ATP8A2: variants seen among roughly 807,000 people sequenced by gnomAD.
ATP8A2 encodes the protein phospholipid-transporting ATPase IB.
ATP8A2 carries 100 observed loss-of-function variants against 165.6 expected under a neutral mutation model. That is an observed-to-expected ratio of 0.60 (90% CI 0.51 to 0.71). ATP8A2 has a LOEUF of 0.71. Ranked by LOEUF, ATP8A2 falls within the 30% of genes least tolerant of loss-of-function variation. The probability of loss-of-function intolerance (pLI) is 0.00; values close to 1 mark genes in which losing one functional copy is unlikely to be tolerated. For synonymous variants in ATP8A2, 543 were observed against 548.8 expected (o/e 0.99, Z 0.15); for missense variants, 1,227 against 1,479.5 (o/e 0.83, Z 2.80).
intron 33 of ATP8A2, among the ~76,000 whole-genome samples, chr13:25,959,599 T>C (rs540104404): frequency 1.3e-5 from 2 of 152,360 alleles, no homozygotes; most frequent in Admixed American, 1.3e-4. Flanking sequence ...GGGCCAGTGG[T>C]GCTTCCTTTC....
At chr13:25,657,213 C>G (rs1224350764) in intron 24 of ATP8A2, among the ~76,000 whole-genome samples, 1 of 152,044 alleles carries the variant, frequency 6.6e-6, no homozygotes, top group African/African-American at 2.4e-5. Context: ...GTGTTCAGGT[C>G]AGGAAACCAA....
chr13:26,021,600 C>T lies in ATP8A2; in HGVS notation c.*1615C>T. Reference sequence around the variant, plus strand: ...GGCATGAATGTGAGCACCTGGAGCCCTTACTAAACAACCTGCCTGGAGCCC... The same window carrying T: ...GGCATGAATGTGAGCACCTGGAGCCTTTACTAAACAACCTGCCTGGAGCCC... On this transcript the variant is annotated 3_prime_UTR_variant, in exon 37 of 37. Coordinates refer to ENST00000381655, the MANE Select transcript of ATP8A2 (RefSeq NM_016529.6). 1 of 152,192 alleles carries T rather than the reference C, an allele frequency of 6.6e-6. No individual in the cohort carries two copies. 9.4% of individuals were successfully genotyped at this position (152,192 alleles called of 1,614,324 possible).
chr13:25,619,679 A>AT (rs1320805045), intron 24 of ATP8A2, among the ~76,000 whole-genome samples: 10 of 152,222 alleles, frequency 6.6e-5, no homozygotes, highest in African/African-American at 2.4e-4. Flanking sequence ...GTTGAATAGT[A>AT]TATTAGTTAA....
chr13:25,528,583 G>T (rs1436444225), intron 2 of ATP8A2, among the ~76,000 whole-genome samples: 1 of 152,150 alleles, frequency 6.6e-6, no homozygotes, highest in Admixed American at 6.5e-5. Context: ...TGCTTCTGGT[G>T]TATTCTGTCT....
chr13:25,775,342 T>A (rs1283427665), intron 27 of ATP8A2, among the ~76,000 whole-genome samples: 1 of 152,184 alleles, frequency 6.6e-6, no homozygotes, highest in Non-Finnish European at 1.5e-5. Flanking sequence ...TGCCAGGTGA[T>A]CGCTGAGGTG....
intron 24 of ATP8A2, among the ~76,000 whole-genome samples, chr13:25,613,705 T>G (rs1208841705): frequency 6.6e-6 from 1 of 152,232 alleles, no homozygotes; most frequent in African/African-American, 2.4e-5. Flanking sequence ...AAGCTTAGTT[T>G]CTCTGGATAC....
intron 33 of ATP8A2, among the ~76,000 whole-genome samples, chr13:25,948,821 C>T (rs528909459): frequency 6.6e-6 from 1 of 152,308 alleles, no homozygotes; most frequent in Admixed American, 6.5e-5. Flanking sequence ...CACAGACTTC[C>T]AACCTCCAGG....
intron 2 of ATP8A2, among the ~76,000 whole-genome samples, chr13:25,492,336 A>G (rs2036552451): frequency 6.6e-6 from 1 of 152,244 alleles, no homozygotes; most frequent in Non-Finnish European, 1.5e-5. Context: ...GATTACAGGC[A>G]TGAGTCACCA....
chr13:25,754,766 A>G (rs2044226348), intron 25 of ATP8A2, among the ~76,000 whole-genome samples: 1 of 152,226 alleles, frequency 6.6e-6, no homozygotes, highest in African/African-American at 2.4e-5. Context: ...AAAAGAGATT[A>G]TTATGATAGA....
At chr13:25,396,350 G>A (rs2033424518) in intron 1 of ATP8A2, among the ~76,000 whole-genome samples, 1 of 152,130 alleles carries the variant, frequency 6.6e-6, no homozygotes, top group South Asian at 2.1e-4. Context: ...AAGTTAGAGT[G>A]CTTTTTTTAG....
At chr13:25,550,095 A>G (rs1401040553) in intron 10 of ATP8A2, among the ~76,000 whole-genome samples, 4 of 152,154 alleles carry the variant, frequency 2.6e-5, no homozygotes, top group African/African-American at 9.7e-5. Context: ...ACCTGAGGTC[A>G]GGAGTTCGAC....
chr13:25,548,408 T>G (rs544490999), intron 10 of ATP8A2, among the ~76,000 whole-genome samples: 22 of 152,310 alleles, frequency 1.4e-4, no homozygotes, highest in African/African-American at 5.3e-4. Flanking sequence ...CTAATCCTCC[T>G]AATTGGCCAG....
intron 2 of ATP8A2, among the ~76,000 whole-genome samples, chr13:25,482,172 C>T (rs1028210992): frequency 2.0e-5 from 3 of 152,186 alleles, no homozygotes; most frequent in Non-Finnish European, 4.4e-5. Context: ...TTGGAAGCCA[C>T]CTGCTTTAGA....
At chr13:26,003,788 T>C (rs1956683007) in intron 35 of ATP8A2, among the ~76,000 whole-genome samples, 1 of 152,210 alleles carries the variant, frequency 6.6e-6, no homozygotes, top group African/African-American at 2.4e-5. Context: ...TTTTTCTTCA[T>C]TGTGTGTTAT....
chr13:25,819,717 G>A (rs1318584645), intron 27 of ATP8A2, among the ~76,000 whole-genome samples: 1 of 151,094 alleles, frequency 6.6e-6, no homozygotes, highest in Admixed American at 6.6e-5. Context: ...TGCAAAACAA[G>A]ATGGGTTTTT....
chr13:25,470,908 A>T (rs891198476), intron 2 of ATP8A2, among the ~76,000 whole-genome samples: 1 of 152,100 alleles, frequency 6.6e-6, no homozygotes, highest in Non-Finnish European at 1.5e-5. Context: ...TATCCAGAAG[A>T]GGCAAATTTA....
At chr13:25,573,252 G>T (rs1442921751) in intron 18 of ATP8A2, among the ~76,000 whole-genome samples, 6 of 152,118 alleles carry the variant, frequency 3.9e-5, no homozygotes, top group Non-Finnish European at 8.8e-5. Flanking sequence ...GGGGAGCTTG[G>T]ATCATAGGTG....
chr13:25,414,030 A>G (rs1347379961), intron 1 of ATP8A2, among the ~76,000 whole-genome samples: 1 of 152,026 alleles, frequency 6.6e-6, no homozygotes, highest in Admixed American at 6.6e-5. Flanking sequence ...ATCAGAGAGT[A>G]GAACCATGGA....
intron 35 of ATP8A2, among the ~76,000 whole-genome samples, chr13:25,973,366 C>G (rs984284489): frequency 4.6e-5 from 7 of 152,168 alleles, no homozygotes; most frequent in Non-Finnish European, 4.4e-5. Flanking sequence ...GACTCTTGCT[C>G]TGCGGCTTCC....
Sources: gnomAD v4.1 joint callset for allele counts (sites outside exome capture counted in the v4.1 genomes callset) on GRCh38, gnomAD v4.1.1 for gene constraint, MANE v1.5 for transcripts, NCBI Gene and HGNC (gene_info 2026-07-23, HGNC 2026-07-21) for gene names.